Variants in GNAQ observed in about 807,000 individuals in gnomAD.
The protein encoded by GNAQ is guanine nucleotide-binding protein G(q) subunit alpha.
A neutral mutation model predicts 43.9 loss-of-function variants in GNAQ; 8 were observed. The observed-to-expected ratio is 0.18, with a 90% CI of 0.11 to 0.33. The LOEUF (loss-of-function observed/expected upper bound fraction) is 0.33. Ranked by LOEUF, GNAQ falls within the 10% of genes least tolerant of loss-of-function variation. The pLI is 1.00. For missense variants in GNAQ, 158 were observed against 450.8 expected, an observed-to-expected ratio of 0.35 and a Z score of 5.88; for synonymous variants, 155 against 170.7, an observed-to-expected ratio of 0.91 and a Z score of 0.71.
intron 1 of GNAQ, among the ~76,000 whole-genome samples, chr9:77,936,352 T>C (rs1256464166): frequency 6.6e-6 from 1 of 152,182 alleles, no homozygotes; most frequent in African/African-American, 2.4e-5. Context: ...TATAGCAGTA[T>C]ATACTCAGAC....
At position 77,799,990 on chromosome 9, in the gene GNAQ, T is replaced by C. The variant is rs1298975496; in HGVS notation, c.477-2342A>G. ...TAGACCCAGAATTTTAGTAAATATC[T>C]TGCCATGATCACGGAGTCCTCTGAT... On this transcript the variant is annotated intron_variant, in intron 3 of 6. Transcript: ENST00000286548. 1.3e-5 allele frequency among the ~76,000 whole-genome samples: 2 copies of C among 152,160 alleles called. 1 individual carries two copies. The highest frequency in any genetic ancestry group is 4.1e-4 in the South Asian group (2 of 4,826).
At chr9:77,764,745 G>A (rs1337602583) in intron 5 of GNAQ, among the ~76,000 whole-genome samples, 3 of 152,086 alleles carry the variant, frequency 2.0e-5, no homozygotes, top group Non-Finnish European at 4.4e-5. Flanking sequence ...GTGAGCCACC[G>A]CGCCCAGCCG....
chr9:77,832,653 A>T (rs1247434711), intron 2 of GNAQ, among the ~76,000 whole-genome samples: 1 of 152,238 alleles, frequency 6.6e-6, no homozygotes, highest in Non-Finnish European at 1.5e-5. Context: ...AACTGAATGC[A>T]TATTTCCCAG....
At chr9:77,915,869 T>C (rs1828894657) in intron 2 of GNAQ, among the ~76,000 whole-genome samples, 1 of 152,222 alleles carries the variant, frequency 6.6e-6, no homozygotes, top group Admixed American at 6.5e-5. Flanking sequence ...ACGCTGTGTA[T>C]TTTTGCAGTG....
At chr9:77,726,817 G>C (rs1490909584) in intron 6 of GNAQ, among the ~76,000 whole-genome samples, 1 of 152,184 alleles carries the variant, frequency 6.6e-6, no homozygotes, top group Non-Finnish European at 1.5e-5. Context: ...CACAGACAGT[G>C]AGTGGCAAAG....
chr9:77,990,530 A>G (rs1031534150), intron 1 of GNAQ, among the ~76,000 whole-genome samples: 1 of 152,138 alleles, frequency 6.6e-6, no homozygotes, highest in African/African-American at 2.4e-5. Context: ...ACCTCTTTTA[A>G]GCCTTTTCCA....
At chr9:78,001,936 T>C (rs564453075) in intron 1 of GNAQ, among the ~76,000 whole-genome samples, 91 of 152,360 alleles carry the variant, frequency 6.0e-4, no homozygotes, top group African/African-American at 2.0e-3. Flanking sequence ...AGATGAGGAC[T>C]GTATGCTTAC....
At chr9:77,734,173 T>C (rs909366247) in intron 5 of GNAQ, among the ~76,000 whole-genome samples, 11 of 152,248 alleles carry the variant, frequency 7.2e-5, no homozygotes, top group Non-Finnish European at 1.5e-4. Flanking sequence ...AAAGTCAGCA[T>C]TAAACTAGAG....
intron 2 of GNAQ, among the ~76,000 whole-genome samples, chr9:77,869,080 T>C (rs965876455): frequency 6.6e-6 from 1 of 152,198 alleles, no homozygotes; most frequent in Non-Finnish European, 1.5e-5. Context: ...TGAACAACAT[T>C]GTTTCAACTG....
chr9:77,851,434 A>G (rs181547448), intron 2 of GNAQ, among the ~76,000 whole-genome samples: 1 of 152,316 alleles, frequency 6.6e-6, no homozygotes, highest in East Asian at 1.9e-4. Flanking sequence ...ATGAAGAGCC[A>G]AAATCTGTGG....
At chr9:77,774,503 C>T (rs1826277550) in intron 5 of GNAQ, among the ~76,000 whole-genome samples, 2 of 152,190 alleles carry the variant, frequency 1.3e-5, no homozygotes, top group Non-Finnish European at 2.9e-5. Flanking sequence ...GCTCTGTCAC[C>T]CAGGCTGGAG....
At chr9:77,738,454 A>C (rs1390423517) in intron 5 of GNAQ, among the ~76,000 whole-genome samples, 1 of 152,226 alleles carries the variant, frequency 6.6e-6, no homozygotes, top group African/African-American at 2.4e-5. Context: ...ATATGTGGTC[A>C]TGATAGAACA....
At chr9:77,866,122 A>G (rs1056446631) in intron 2 of GNAQ, among the ~76,000 whole-genome samples, 1 of 151,534 alleles carries the variant, frequency 6.6e-6, no homozygotes, top group African/African-American at 2.4e-5. Context: ...ATACTTGATG[A>G]ATTCTGCTTC....
intron 1 of GNAQ, among the ~76,000 whole-genome samples, chr9:77,970,143 C>T (rs145843500): frequency 2.4e-4 from 37 of 151,890 alleles, no homozygotes; most frequent in African/African-American, 7.5e-4. Context: ...CGCTTGAACC[C>T]GGGAGATGGA....
At chr9:77,816,866 TC>T (rs1366880023) in intron 2 of GNAQ, among the ~76,000 whole-genome samples, 5 of 152,190 alleles carry the variant, frequency 3.3e-5, no homozygotes, top group African/African-American at 1.2e-4. Flanking sequence ...TTACCTTCCT[TC>T]CTTTCTCTTG....
chr9:77,901,543 G>A (rs1450666806), intron 2 of GNAQ, among the ~76,000 whole-genome samples: 2 of 152,158 alleles, frequency 1.3e-5, no homozygotes, highest in African/African-American at 2.4e-5. Context: ...CTTAGGCCGA[G>A]CTGGAGCTAC....
At chr9:77,822,534 T>TGAC (rs1008605773) in intron 2 of GNAQ, among the ~76,000 whole-genome samples, 13 of 151,862 alleles carry the variant, frequency 8.6e-5, no homozygotes, top group Non-Finnish European at 1.3e-4. Context: ...TTATTTTATT[T>TGAC]GACAACAGGA....
intron 1 of GNAQ, among the ~76,000 whole-genome samples, chr9:77,953,661 C>T (rs192044834): frequency 1.3e-5 from 2 of 152,294 alleles, no homozygotes; most frequent in African/African-American, 4.8e-5. Flanking sequence ...TTTCTTAACA[C>T]AAAAACAAAA....
chr9:77,855,507 G>A (rs1047585288), intron 2 of GNAQ, among the ~76,000 whole-genome samples: 7 of 152,026 alleles, frequency 4.6e-5, no homozygotes, highest in African/African-American at 1.4e-4. Flanking sequence ...GCCCAATTAT[G>A]TCATCTTTTT....
Sources: gnomAD v4.1 joint callset for allele counts (sites outside exome capture counted in the v4.1 genomes callset) on GRCh38, gnomAD v4.1.1 for gene constraint, MANE v1.5 for transcripts, NCBI Gene and HGNC (gene_info 2026-07-23, HGNC 2026-07-21) for gene names.